The following PUM2 variants were observed in gnomAD, a reference collection of about 807,000 sequenced individuals.
The protein encoded by PUM2 is pumilio RNA binding family member 2, also known as pumilio homolog 2.
PUM2 carries 57 observed loss-of-function variants against 124.5 expected under a neutral mutation model. The observed-to-expected ratio is 0.46, with a 90% CI of 0.37 to 0.57. The LOEUF (loss-of-function observed/expected upper bound fraction) is 0.57, where lower values mean the gene tolerates loss of function less well. Among genes scored for constraint, PUM2 ranks in the 20% least tolerant of loss-of-function variants. The probability of loss-of-function intolerance (pLI) is 0.00; values close to 1 mark genes in which losing one functional copy is unlikely to be tolerated. For synonymous variants in PUM2, 460 were observed against 446.1 expected, an observed-to-expected ratio of 1.03 and a Z score of -0.39; for missense variants, 1,065 against 1,290.6, an observed-to-expected ratio of 0.83 and a Z score of 2.68.
At chr2:20,268,793 AT>A (rs1435565422) in intron 13 of PUM2, among the ~76,000 whole-genome samples, 2 of 152,050 alleles carry the variant, frequency 1.3e-5, no homozygotes, top group Non-Finnish European at 1.5e-5. Context: ...GGGCATTTTC[AT>A]TTTTTTCCCT....
At chr2:20,256,360 T>C (rs1664755523) in intron 16 of PUM2, among the ~76,000 whole-genome samples, 190 bp from the exon 17 acceptor site, 1 of 152,198 alleles carries the variant, frequency 6.6e-6, no homozygotes, top group African/African-American at 2.4e-5. Flanking sequence ...TAAATTTTTT[T>C]CTCTTGTAGT....
chr2:20,255,144 T>C (rs1368654450), intron 18 of PUM2, 72 bp downstream of exon 18: 7 of 1,507,020 alleles, frequency 4.6e-6, no homozygotes, highest in Admixed American at 1.8e-5. Flanking sequence ...TAGTAACAAA[T>C]TGTATTTCTT....
At chr2:20,343,203 A>G (rs1687571424) in intron 1 of PUM2, among the ~76,000 whole-genome samples, 1 of 152,202 alleles carries the variant, frequency 6.6e-6, no homozygotes, top group Non-Finnish European at 1.5e-5. Context: ...GGAAGACGGC[A>G]GACTATCTTA....
intron 1 of PUM2, among the ~76,000 whole-genome samples, chr2:20,348,803 C>T (rs34118297): frequency 0.14 from 20,729 of 151,478 alleles, 2,143 homozygotes; most frequent in East Asian, 0.5. Context: ...TGCGCCTGTA[C>T]CCCCAGCTAC....
At chr2:20,281,365 C>T (rs1473060834) in intron 12 of PUM2, among the ~76,000 whole-genome samples, 1 of 152,038 alleles carries the variant, frequency 6.6e-6, no homozygotes, top group Non-Finnish European at 1.5e-5. Flanking sequence ...ACAGCCTTAA[C>T]TAAGAAACAA....
In PUM2 at chr2:20,350,831, G is replaced by A. The variant is rs1485219156; in HGVS notation, c.-253C>T. ...TCACAACAACATGGCTGCCACCGCCGCCTGCCCTCCCCTCCCCCCCGCCCA... is the reference window on the plus strand; with the variant it reads ...TCACAACAACATGGCTGCCACCGCCACCTGCCCTCCCCTCCCCCCCGCCCA... On this transcript the variant is annotated 5_prime_UTR_variant, in exon 1 of 21. Transcript: ENST00000361078. 6.2e-6 allele frequency: 6 copies of A among 973,386 alleles called. No individual in the cohort carries two copies. In the African/African-American group the frequency reaches 1.1e-4, roughly 17 times the overall value. The allele number at this position is 973,386 out of a possible 1,614,324, so 60.3% of individuals were successfully genotyped here.
In PUM2 at chr2:20,350,779, G is replaced by A; in HGVS notation, c.-201C>T. On this transcript the variant is annotated 5_prime_UTR_variant, in exon 1 of 21. Coordinates refer to ENST00000361078, the MANE Select transcript of PUM2 (RefSeq NM_015317.5). ...CCTCCCCCTCCTCCTCCGAACCACC[G>A]AAGTACCGAGGGTGAGACACAGAGA... 7 of 916,704 alleles carry A rather than the reference G, an allele frequency of 7.6e-6. No homozygotes were observed. The highest frequency in any genetic ancestry group is 8.7e-6 in the Non-Finnish European group (7 of 802,454). 56.8% of individuals were successfully genotyped at this position (916,704 alleles called of 1,614,324 possible).
At chr2:20,255,657 T>C (rs1009173478) in intron 17 of PUM2, among the ~76,000 whole-genome samples, 18 of 152,192 alleles carry the variant, frequency 1.2e-4, no homozygotes. Context: ...TTAAGAAATA[T>C]TAATTACTAT....
chr2:20,280,984 G>A (rs1289395649), intron 12 of PUM2, among the ~76,000 whole-genome samples: 1 of 152,138 alleles, frequency 6.6e-6, no homozygotes, highest in Admixed American at 6.5e-5. Context: ...GGTAAGAGAA[G>A]GACTGTGTAT....
At chr2:20,320,412 A>G (rs945837085) in intron 2 of PUM2, among the ~76,000 whole-genome samples, 2 of 152,190 alleles carry the variant, frequency 1.3e-5, no homozygotes, top group South Asian at 2.1e-4. Flanking sequence ...AAAAAGGTAA[A>G]TGGTACTGCT....
chr2:20,255,852 G>A (rs1441516797), intron 17 of PUM2, among the ~76,000 whole-genome samples, 181 bp downstream of exon 17: 2 of 151,874 alleles, frequency 1.3e-5, no homozygotes, highest in Admixed American at 6.6e-5. Flanking sequence ...TGCAGCTTCA[G>A]AAAAATGAAG....
At chr2:20,326,180 C>T in intron 2 of PUM2, 1 of 1,142,264 alleles carries the variant, frequency 8.8e-7, no homozygotes, top group Admixed American at 3.5e-5. Flanking sequence ...TTCAATTTTT[C>T]TTAGGGTTGA....
intron 1 of PUM2, among the ~76,000 whole-genome samples, chr2:20,342,558 T>A (rs897717742): frequency 6.6e-6 from 1 of 152,224 alleles, no homozygotes; most frequent in African/African-American, 2.4e-5. Flanking sequence ...GAAAAATGAA[T>A]GTGAGGTATG....
intron 16 of PUM2, among the ~76,000 whole-genome samples, chr2:20,257,238 C>T (rs1028660703): frequency 1.3e-5 from 2 of 151,944 alleles, no homozygotes; most frequent in South Asian, 2.1e-4. Context: ...TTATATTTCT[C>T]CATTGTGACA....
intron 8 of PUM2, among the ~76,000 whole-genome samples, chr2:20,297,260 T>TG (rs1675838739): frequency 6.6e-6 from 1 of 152,204 alleles, no homozygotes; most frequent in Non-Finnish European, 1.5e-5. Context: ...CTGCGGGTAA[T>TG]GGGGTTTGTC....
chr2:20,326,517 C>G (rs577140069), intron 2 of PUM2: 15 of 772,344 alleles, frequency 1.9e-5, no homozygotes, highest in Non-Finnish European at 2.8e-5. Context: ...TTATCAAAGT[C>G]TACGTTAGTA....
chr2:20,325,584 A>G (rs915274727), intron 2 of PUM2, among the ~76,000 whole-genome samples: 2 of 152,062 alleles, frequency 1.3e-5, no homozygotes, highest in Non-Finnish European at 2.9e-5. Context: ...GAAGTGATAA[A>G]GGGAGTCTAA....
chr2:20,307,572 C>T (rs1303874907), intron 7 of PUM2, among the ~76,000 whole-genome samples: 2 of 152,120 alleles, frequency 1.3e-5, no homozygotes, highest in African/African-American at 4.8e-5. Flanking sequence ...GTACAGACAA[C>T]ATCATGTACC....
intron 20 of PUM2, among the ~76,000 whole-genome samples, chr2:20,253,161 G>GT (rs1431459035): frequency 6.6e-6 from 1 of 152,108 alleles, no homozygotes; most frequent in African/African-American, 2.4e-5. Flanking sequence ...TAAAACATAG[G>GT]TAACAGATGA....
Sources: allele counts gnomAD v4.1 joint callset (sites outside exome capture counted in the v4.1 genomes callset), GRCh38; gene constraint gnomAD v4.1.1; transcripts MANE v1.5; gene names NCBI Gene and HGNC (gene_info 2026-07-23, HGNC 2026-07-21).